PRKCE: variants seen among roughly 807,000 people sequenced by gnomAD.
PRKCE encodes the protein protein kinase C epsilon type.
In PRKCE, 16 loss-of-function variants were observed where a neutral mutation model predicts 85.4. The observed-to-expected ratio is 0.19, with a 90% CI of 0.13 to 0.28. The LOEUF is 0.28. Among genes scored for constraint, PRKCE ranks in the 10% least tolerant of loss-of-function variants. The pLI, the probability that PRKCE is intolerant of heterozygous loss-of-function variation, is 1.00. For missense variants in PRKCE, 573 were observed against 975.2 expected (o/e 0.59, Z 5.49); for synonymous variants, 388 against 371.5 (o/e 1.04, Z -0.51).
At chr2:45,812,079 C>T (rs1468852506) in intron 1 of PRKCE, among the ~76,000 whole-genome samples, 1 of 152,180 alleles carries the variant, frequency 6.6e-6, no homozygotes, top group Non-Finnish European at 1.5e-5. Context: ...GTTTTAGCCT[C>T]AGCTCAACCC....
chr2:45,841,238 G>A (rs902403599), intron 1 of PRKCE, among the ~76,000 whole-genome samples: 3 of 152,184 alleles, frequency 2.0e-5, no homozygotes, highest in African/African-American at 4.8e-5. Context: ...TGACTCACAC[G>A]ATCACAAGGT....
At position 45,880,915 on chromosome 2, in the gene PRKCE, AG is replaced by A. The variant is rs201349567; in HGVS notation, c.412+37854del. On this transcript the variant is annotated intron_variant, in intron 2 of 14. Coordinates refer to ENST00000306156, the MANE Select transcript of PRKCE (RefSeq NM_005400.3). ...ACGCCTGTAATCCCAGCACTTTGGG[AG>A]GCCGAGGCGGGCGGATCACGAGGTC... Among the ~76,000 whole-genome samples, 1,504 of 152,224 alleles carry A rather than the reference AG, an allele frequency of 9.9e-3. 6 individuals are homozygous for A. Among genetic ancestry groups the A allele is most frequent in the Admixed American group, 0.014 (210 of 15,306 alleles).
intron 2 of PRKCE, among the ~76,000 whole-genome samples, chr2:45,847,310 C>T (rs1384019036): frequency 6.6e-6 from 1 of 152,180 alleles, no homozygotes; most frequent in Non-Finnish European, 1.5e-5. Context: ...ATGTGGTCCC[C>T]ATCCTCTCAC....
chr2:45,695,888 A>G (rs1678103822), intron 1 of PRKCE, among the ~76,000 whole-genome samples: 1 of 152,168 alleles, frequency 6.6e-6, no homozygotes, highest in Admixed American at 6.5e-5. Flanking sequence ...GGCTGACAAG[A>G]GTTTATTGTA....
At chr2:46,177,871 G>A (rs897797137) in intron 14 of PRKCE, among the ~76,000 whole-genome samples, 13 of 152,080 alleles carry the variant, frequency 8.5e-5, no homozygotes, top group South Asian at 4.1e-4. Flanking sequence ...AAGGGTTCAC[G>A]CCAAGTAGAA....
intron 2 of PRKCE, among the ~76,000 whole-genome samples, chr2:45,972,092 GC>G (rs948814306): frequency 1.3e-5 from 2 of 152,160 alleles, no homozygotes; most frequent in Non-Finnish European, 2.9e-5. Flanking sequence ...CAGTGAACAA[GC>G]GTTCGCTCTT....
At chr2:46,172,034 C>T (rs192594084) in intron 14 of PRKCE, among the ~76,000 whole-genome samples, 32 of 152,334 alleles carry the variant, frequency 2.1e-4, no homozygotes, top group African/African-American at 7.7e-4. Flanking sequence ...CCTTGAGTGG[C>T]CTCAGGAATG....
At chr2:46,115,995 G>A (rs1486159150) in intron 11 of PRKCE, among the ~76,000 whole-genome samples, 1 of 152,226 alleles carries the variant, frequency 6.6e-6, no homozygotes, top group Non-Finnish European at 1.5e-5. Context: ...TAATGTTACA[G>A]GGCAGGAGGA....
At chr2:45,657,863 G>A (rs2103716633) in intron 1 of PRKCE, among the ~76,000 whole-genome samples, 1 of 152,274 alleles carries the variant, frequency 6.6e-6, no homozygotes, top group African/African-American at 2.4e-5. Context: ...TCACTTGGGG[G>A]AGATTCATGC....
At chr2:45,975,292 G>C (rs1310104492) in intron 2 of PRKCE, among the ~76,000 whole-genome samples, 1 of 152,138 alleles carries the variant, frequency 6.6e-6, no homozygotes, top group Non-Finnish European at 1.5e-5. Flanking sequence ...ATTTATCATG[G>C]TCATCCTTGT....
chr2:45,911,939 T>C (rs928158950), intron 2 of PRKCE, among the ~76,000 whole-genome samples: 1 of 152,080 alleles, frequency 6.6e-6, no homozygotes, highest in African/African-American at 2.4e-5. Context: ...CCGCTGCTGC[T>C]TGTTGTGGTG....
chr2:45,937,764 A>G (rs909507557), intron 2 of PRKCE, among the ~76,000 whole-genome samples: 1 of 152,198 alleles, frequency 6.6e-6, no homozygotes, highest in African/African-American at 2.4e-5. Flanking sequence ...CATCGTTCCA[A>G]CAAAAGCTGC....
intron 2 of PRKCE, among the ~76,000 whole-genome samples, chr2:45,919,938 C>T (rs999587654): frequency 6.6e-6 from 1 of 152,200 alleles, no homozygotes; most frequent in African/African-American, 2.4e-5. Flanking sequence ...TGGGTGAAGG[C>T]AGACACTGGG....
intron 2 of PRKCE, among the ~76,000 whole-genome samples, chr2:45,961,564 C>T (rs1701379495): frequency 6.6e-6 from 1 of 152,198 alleles, no homozygotes; most frequent in African/African-American, 2.4e-5. Flanking sequence ...CAAGTAGCAC[C>T]TGGGGACAGG....
At chr2:45,660,181 C>T (rs1188632580) in intron 1 of PRKCE, among the ~76,000 whole-genome samples, 3 of 152,168 alleles carry the variant, frequency 2.0e-5, no homozygotes, top group Non-Finnish European at 4.4e-5. Flanking sequence ...TAGTTCCTGC[C>T]TCTGAGGAGC....
intron 10 of PRKCE, among the ~76,000 whole-genome samples, chr2:46,082,485 T>G (rs188257896): frequency 5.8e-4 from 88 of 152,054 alleles, no homozygotes; most frequent in East Asian, 4.8e-3. Flanking sequence ...TTGGACATAT[T>G]GGGCTTGAGT....
chr2:45,803,947 C>T (rs1184034897), intron 1 of PRKCE, among the ~76,000 whole-genome samples: 2 of 152,170 alleles, frequency 1.3e-5, no homozygotes, highest in Non-Finnish European at 2.9e-5. Flanking sequence ...CAGGATCCTC[C>T]GGTCCTTATC....
At chr2:45,927,031 G>T (rs753360200) in intron 2 of PRKCE, among the ~76,000 whole-genome samples, 1 of 152,216 alleles carries the variant, frequency 6.6e-6, no homozygotes, top group Non-Finnish European at 1.5e-5. Flanking sequence ...ACGTGTGAGT[G>T]TGCATGGGAC....
At chr2:46,175,937 G>A (rs747170534) in intron 14 of PRKCE, among the ~76,000 whole-genome samples, 2 of 151,948 alleles carry the variant, frequency 1.3e-5, no homozygotes, top group Admixed American at 6.6e-5. Flanking sequence ...TATATGGAGG[G>A]ACTCCACCAG....
Sources: gnomAD v4.1 joint callset for allele counts (sites outside exome capture counted in the v4.1 genomes callset) on GRCh38, gnomAD v4.1.1 for gene constraint, MANE v1.5 for transcripts, NCBI Gene and HGNC (gene_info 2026-07-23, HGNC 2026-07-21) for gene names.